BMPR1B: variants seen among roughly 807,000 people sequenced by gnomAD.
The protein encoded by BMPR1B is bone morphogenetic protein receptor type-1B.
Under a neutral mutation model 59.1 loss-of-function variants are expected in BMPR1B, and 12 were observed. The observed-to-expected ratio is 0.20, with a 90% confidence interval of 0.13 to 0.33. The LOEUF (loss-of-function observed/expected upper bound fraction) is 0.33. Ranked by LOEUF, BMPR1B falls within the 10% of genes least tolerant of loss-of-function variation. BMPR1B has a pLI of 1.00. For missense variants in BMPR1B, 550 were observed against 610.9 expected (o/e 0.90, Z 1.05); for synonymous variants, 237 against 207.3 (o/e 1.14, Z -1.23).
chr4:95,129,821 G>A (rs1560676668), intron 8 of BMPR1B, 41 bp from the exon 9 acceptor site: 1 of 1,594,454 alleles, frequency 6.3e-7, no homozygotes, highest in Non-Finnish European at 8.6e-7. Context: ...CAAATCTGTA[G>A]CGCTGTGAAT....
intron 3 of BMPR1B, among the ~76,000 whole-genome samples, chr4:95,026,098 A>ATTTCTTTCTTTCTTTTTTTC: frequency 9.8e-6 from 1 of 101,716 alleles, no homozygotes; most frequent in Admixed American, 9.9e-5. Context: ...GCTTTCTTTC[A>ATTTCTTTCTTTCTTTTTTTC]TTTCTTTCTT....
At chr4:94,890,375 C>T (rs964103636) in intron 2 of BMPR1B, among the ~76,000 whole-genome samples, 2 of 152,070 alleles carry the variant, frequency 1.3e-5, no homozygotes, top group African/African-American at 4.8e-5. Flanking sequence ...CTCTCTCTTT[C>T]CTTCTTCCCA....
chr4:95,145,494 C>T (rs1317293784), intron 10 of BMPR1B, among the ~76,000 whole-genome samples: 1 of 152,208 alleles, frequency 6.6e-6, no homozygotes, highest in Non-Finnish European at 1.5e-5. Context: ...CTCACGTGTA[C>T]CACACCATCT....
intron 10 of BMPR1B, among the ~76,000 whole-genome samples, chr4:95,140,743 TG>T: frequency 6.6e-6 from 1 of 152,292 alleles, no homozygotes; most frequent in East Asian, 1.9e-4. Flanking sequence ...CATGACATAG[TG>T]AGTTACCCAT....
intron 1 of BMPR1B, among the ~76,000 whole-genome samples, chr4:94,796,626 T>C (rs1044279201): frequency 6.6e-6 from 1 of 152,182 alleles, no homozygotes; most frequent in Non-Finnish European, 1.5e-5. Flanking sequence ...TGTATATTTT[T>C]TAACCTCATT....
chr4:95,153,191 C>T (rs1735179553), intron 12 of BMPR1B, among the ~76,000 whole-genome samples: 1 of 152,062 alleles, frequency 6.6e-6, no homozygotes, highest in Non-Finnish European at 1.5e-5. Context: ...ACAGGTTGAC[C>T]TAGTTAAGAT....
intron 2 of BMPR1B, among the ~76,000 whole-genome samples, chr4:94,892,604 G>C (rs767187165): frequency 2.6e-5 from 4 of 152,008 alleles, no homozygotes; most frequent in Non-Finnish European, 4.4e-5. Flanking sequence ...ACCCAGTAAA[G>C]AAGTAATTCT....
At chr4:95,141,516 C>A (rs368415390) in intron 10 of BMPR1B, among the ~76,000 whole-genome samples, 1 of 152,148 alleles carries the variant, frequency 6.6e-6, no homozygotes. Context: ...AATTTTAAAA[C>A]GCTGTATTGG....
intron 3 of BMPR1B, among the ~76,000 whole-genome samples, chr4:95,039,016 A>G (rs765662855): frequency 1.3e-5 from 2 of 152,242 alleles, no homozygotes; most frequent in East Asian, 1.9e-4. Flanking sequence ...ACATAACCAC[A>G]TAAGAGTTCT....
chr4:94,869,095 A>AACACACACACAC (rs59407857), intron 1 of BMPR1B, among the ~76,000 whole-genome samples: 8 of 144,542 alleles, frequency 5.5e-5, no homozygotes, highest in African/African-American at 2.0e-4. Context: ...TTTACTATCA[A>AACACACACACAC]ACACACACAC....
At chr4:94,808,959 G>A (rs1723715094) in intron 1 of BMPR1B, among the ~76,000 whole-genome samples, 1 of 152,152 alleles carries the variant, frequency 6.6e-6, no homozygotes, top group East Asian at 1.9e-4. Flanking sequence ...GGAGGCTGAG[G>A]CAGGAGAATT....
chr4:95,130,554 T>C (rs1182226097), intron 9 of BMPR1B, among the ~76,000 whole-genome samples: 1 of 152,134 alleles, frequency 6.6e-6, no homozygotes, highest in Non-Finnish European at 1.5e-5. Flanking sequence ...TGTTTTGCAA[T>C]GTCTTATGTG....
intron 1 of BMPR1B, among the ~76,000 whole-genome samples, chr4:94,761,468 G>C (rs1178596534): frequency 6.7e-6 from 1 of 148,312 alleles, no homozygotes; most frequent in Non-Finnish European, 1.5e-5. Flanking sequence ...TGTGTTGAAG[G>C]GGGTTAGGGA....
chr4:94,838,214 T>A (rs199700960), intron 1 of BMPR1B, among the ~76,000 whole-genome samples: 15,129 of 62,018 alleles, frequency 0.24, 2,392 homozygotes, highest in African/African-American at 0.46. Context: ...ATTGGTCTAA[T>A]ATTCTCTTTT....
chr4:94,777,213 T>A, intron 1 of BMPR1B, among the ~76,000 whole-genome samples: 1 of 152,262 alleles, frequency 6.6e-6, no homozygotes, highest in East Asian at 1.9e-4. Context: ...CTATTTAATT[T>A]CTCTCATATT....
At chr4:94,956,622 A>G (rs1031054263) in intron 2 of BMPR1B, among the ~76,000 whole-genome samples, 1 of 152,154 alleles carries the variant, frequency 6.6e-6, no homozygotes, top group Admixed American at 6.5e-5. Flanking sequence ...TAATTTCTAG[A>G]TACCTGGGTG....
chr4:94,775,143 A>T (rs766386474), intron 1 of BMPR1B, among the ~76,000 whole-genome samples: 7 of 152,292 alleles, frequency 4.6e-5, no homozygotes, highest in Non-Finnish European at 1.0e-4. Context: ...AATGAAGATA[A>T]TAAGAATACC....
chr4:94,919,912 G>A lies in BMPR1B; in HGVS notation c.-113+44012G>A, dbSNP rs111672458. ...GATGAATAAAAGTGGGGACAGTGTC[G>A]TCATTTTTCTATCATATTCTTTATT... On this transcript the variant is annotated intron_variant, in intron 2 of 12. Transcript: ENST00000515059. 7.4e-3 allele frequency among the ~76,000 whole-genome samples: 1,130 copies of A among 152,200 alleles called. 11 individuals are homozygous for A. Among genetic ancestry groups the A allele is most frequent in the African/African-American group, 0.025 (1,057 of 41,534 alleles).
intron 2 of BMPR1B, among the ~76,000 whole-genome samples, chr4:94,956,314 C>T (rs921815580): frequency 5.9e-5 from 9 of 152,026 alleles, no homozygotes; most frequent in African/African-American, 1.7e-4. Context: ...AAGTGATCCT[C>T]CCACCTCGGT....
Sources: gnomAD v4.1 joint callset for allele counts (sites outside exome capture counted in the v4.1 genomes callset) on GRCh38, gnomAD v4.1.1 for gene constraint, MANE v1.5 for transcripts, NCBI Gene and HGNC (gene_info 2026-07-23, HGNC 2026-07-21) for gene names.